Variants in RCAN2 observed in about 807,000 individuals in gnomAD.
RCAN2 encodes calcipressin-2.
In RCAN2, 9 loss-of-function variants were observed where a neutral mutation model predicts 23.6. The observed-to-expected ratio is 0.38, with a 90% CI of 0.23 to 0.67. RCAN2 has a LOEUF of 0.67. Among genes scored for constraint, RCAN2 ranks in the 30% least tolerant of loss-of-function variants. RCAN2 has a pLI of 0.51. For synonymous variants in RCAN2, 109 were observed against 115.7 expected, an observed-to-expected ratio of 0.94 and a Z score of 0.37; for missense variants, 273 against 302.3, an observed-to-expected ratio of 0.90 and a Z score of 0.72.
intron 2 of RCAN2, among the ~76,000 whole-genome samples, chr6:46,319,862 T>C (rs755268510): frequency 6.6e-6 from 1 of 152,212 alleles, no homozygotes; most frequent in South Asian, 2.1e-4. Context: ...GAATCTGTTA[T>C]ACACATGCCA....
intron 2 of RCAN2, among the ~76,000 whole-genome samples, chr6:46,422,113 C>G (rs890339375): frequency 2.0e-5 from 3 of 152,040 alleles, no homozygotes; most frequent in African/African-American, 7.2e-5. Context: ...GTGTTGGGGT[C>G]ATGAGGGAGG....
intron 1 of RCAN2, among the ~76,000 whole-genome samples, chr6:46,489,534 T>C (rs1769082009): frequency 6.6e-6 from 1 of 152,254 alleles, no homozygotes; most frequent in Non-Finnish European, 1.5e-5. Flanking sequence ...GTGATATGTA[T>C]GACTGTCTGC....
rs1208455199 is a variant in RCAN2, at chr6:46,273,003, AC to A, written c.226-24108del. Among the ~76,000 whole-genome samples, 3 of 152,220 alleles carry A rather than the reference AC, an allele frequency of 2.0e-5. 1 individual carries two copies. Among genetic ancestry groups the A allele is most frequent in the Non-Finnish European group, 4.4e-5 (3 of 68,046 alleles). On this transcript the variant is annotated intron_variant, in intron 2 of 4. Coordinates refer to ENST00000371374, the MANE Select transcript of RCAN2 (RefSeq NM_001251974.2). Reference sequence around the variant, plus strand: ...TAGAGTTTAAAGGTGTCTGATCTTTACAAATATTCTTCAATATTTTACCTGT... The same window carrying A: ...TAGAGTTTAAAGGTGTCTGATCTTTAAAATATTCTTCAATATTTTACCTGT...
chr6:46,279,039 C>A (rs1767810528), intron 2 of RCAN2, among the ~76,000 whole-genome samples: 1 of 152,152 alleles, frequency 6.6e-6, no homozygotes, highest in African/African-American at 2.4e-5. Context: ...AAAAAGCTTC[C>A]CAAATGATTC....
intron 2 of RCAN2, among the ~76,000 whole-genome samples, chr6:46,250,260 G>C (rs1393744844): frequency 6.6e-6 from 1 of 152,162 alleles, no homozygotes; most frequent in Non-Finnish European, 1.5e-5. Context: ...TAGGCATTAT[G>C]TTAATACCAT....
intron 4 of RCAN2, among the ~76,000 whole-genome samples, chr6:46,235,643 C>G (rs1056781134): frequency 2.6e-5 from 4 of 152,324 alleles, no homozygotes; most frequent in East Asian, 3.9e-4. Flanking sequence ...ATTCTTCCAG[C>G]CTTCTAGGTG....
chr6:46,412,198 A>C (rs1370058405), intron 2 of RCAN2, among the ~76,000 whole-genome samples: 1 of 152,210 alleles, frequency 6.6e-6, no homozygotes, highest in Non-Finnish European at 1.5e-5. Flanking sequence ...AAAGGAGGAA[A>C]TAATGAGTGT....
chr6:46,359,390 G>C lies in RCAN2; in HGVS notation c.225+97362C>G, dbSNP rs552368102. ...ACGCAAAGAAGATGGCCTGAGAAGT[G>C]AGAAGACAGCAAAGATGTACTTCAT... On this transcript the variant is annotated intron_variant, in intron 2 of 4. Coordinates refer to ENST00000371374, the MANE Select transcript of RCAN2 (RefSeq NM_001251974.2). Among the ~76,000 whole-genome samples the C allele has an allele frequency of 3.3e-5, 5 of 152,220 alleles. No homozygotes were observed. In the South Asian group the frequency reaches 1.0e-3, roughly 32 times the overall value.
intron 2 of RCAN2, among the ~76,000 whole-genome samples, chr6:46,306,125 G>A (rs1002863604): frequency 3.1e-4 from 47 of 152,076 alleles, no homozygotes; most frequent in African/African-American, 1.0e-3. Context: ...CAGGGGATAT[G>A]GTGAGGAGTA....
chr6:46,339,927 T>TATGACTTTCACATACATAATGTAC lies in RCAN2; in HGVS notation c.226-91055_226-91032dup, dbSNP rs537367519. Among the ~76,000 whole-genome samples the TATGACTTTCACATACATAATGTAC allele has an allele frequency of 1.5e-3, 235 of 152,222 alleles. 1 individual carries two copies. Among genetic ancestry groups the TATGACTTTCACATACATAATGTAC allele is most frequent in the African/African-American group, 5.3e-3 (222 of 41,528 alleles). On this transcript the variant is annotated intron_variant, in intron 2 of 4. Coordinates refer to ENST00000371374, the MANE Select transcript of RCAN2 (RefSeq NM_001251974.2). ...CATTCTCCTCCACTAAAATAATGTATATGACTTTCACATACATAATGTACA... is the reference window on the plus strand; with the variant it reads ...CATTCTCCTCCACTAAAATAATGTATATGACTTTCACATACATAATGTACATGACTTTCACATACATAATGTACA...
At position 46,336,325 on chromosome 6, in the gene RCAN2, C is replaced by T. The variant is rs1434921579; in HGVS notation, c.226-87429G>A. On this transcript the variant is annotated intron_variant, in intron 2 of 4. Transcript: ENST00000371374. ...GACTAGATGGGGTGGTTTTCAGAGA[C>T]AGCAAGGCAGGTGCTAAAGGGTCAA... 1.3e-5 allele frequency among the ~76,000 whole-genome samples: 2 copies of T among 152,160 alleles called. 1 individual carries two copies.
intron 2 of RCAN2, among the ~76,000 whole-genome samples, chr6:46,324,612 A>G (rs961078127): frequency 2.6e-5 from 4 of 152,212 alleles, no homozygotes; most frequent in Non-Finnish European, 5.9e-5. Context: ...AATATGAGAG[A>G]AAAAATAAAC....
At chr6:46,471,686 G>A (rs1396647436) in intron 1 of RCAN2, among the ~76,000 whole-genome samples, 1 of 152,112 alleles carries the variant, frequency 6.6e-6, no homozygotes, top group Non-Finnish European at 1.5e-5. Flanking sequence ...TAAAATAGAT[G>A]ACACTTATAG....
intron 2 of RCAN2, among the ~76,000 whole-genome samples, chr6:46,297,884 C>T (rs890545320): frequency 1.3e-5 from 2 of 151,722 alleles, no homozygotes; most frequent in African/African-American, 2.4e-5. Flanking sequence ...ATAGAGAGAA[C>T]GAGAAGGAAA....
chr6:46,231,656 C>A (rs772225047), intron 4 of RCAN2, among the ~76,000 whole-genome samples: 3 of 152,092 alleles, frequency 2.0e-5, no homozygotes, highest in African/African-American at 4.8e-5. Context: ...GTGATCCACC[C>A]GCCTTGGCCT....
At chr6:46,401,164 G>T (rs77390732) in intron 2 of RCAN2, among the ~76,000 whole-genome samples, 1 of 152,170 alleles carries the variant, frequency 6.6e-6, no homozygotes, top group African/African-American at 2.4e-5. Context: ...GAAAGTTACT[G>T]CTTCTTCTGT....
At chr6:46,485,820 A>C (rs1768976393) in intron 1 of RCAN2, among the ~76,000 whole-genome samples, 1 of 152,140 alleles carries the variant, frequency 6.6e-6, no homozygotes, top group Non-Finnish European at 1.5e-5. Context: ...ACCCAGTTCC[A>C]TGTCCTGATC....
At chr6:46,335,808 T>C (rs987271491) in intron 2 of RCAN2, among the ~76,000 whole-genome samples, 8 of 152,218 alleles carry the variant, frequency 5.3e-5, no homozygotes, top group African/African-American at 1.7e-4. Flanking sequence ...GAATGTCATA[T>C]TTATTAACTT....
intron 1 of RCAN2, among the ~76,000 whole-genome samples, chr6:46,471,352 A>G (rs992072876): frequency 6.6e-6 from 1 of 152,222 alleles, no homozygotes; most frequent in African/African-American, 2.4e-5. Context: ...TCTAGGTAAC[A>G]GATGATGGTG....
Sources: gnomAD v4.1 joint callset for allele counts (sites outside exome capture counted in the v4.1 genomes callset) on GRCh38, gnomAD v4.1.1 for gene constraint, MANE v1.5 for transcripts, NCBI Gene and HGNC (gene_info 2026-07-23, HGNC 2026-07-21) for gene names.